Variants in AGTPBP1 observed in about 807,000 individuals in gnomAD.
The protein encoded by AGTPBP1 is cytosolic carboxypeptidase 1.
Under a neutral mutation model 143.9 loss-of-function variants are expected in AGTPBP1, and 70 were observed. That is an observed-to-expected ratio of 0.49 (90% confidence interval 0.40 to 0.59). The LOEUF (loss-of-function observed/expected upper bound fraction) is 0.59. Ranked by LOEUF, AGTPBP1 falls within the 20% of genes least tolerant of loss-of-function variation. AGTPBP1 has a pLI of 0.00. For synonymous variants in AGTPBP1, 463 were observed against 500.2 expected, an observed-to-expected ratio of 0.93 and a Z score of 0.99; for missense variants, 1,229 against 1,464.5, an observed-to-expected ratio of 0.84 and a Z score of 2.62.
At chr9:85,621,128 A>G (rs1271196274) in intron 15 of AGTPBP1, 74 bp downstream of exon 15, 3 of 796,214 alleles carry the variant, frequency 3.8e-6, no homozygotes, top group Non-Finnish European at 5.4e-6. Context: ...CAGAATTTTT[A>G]TCTTTTAGAA....
chr9:85,610,835 T>C (rs1434099670), intron 17 of AGTPBP1, among the ~76,000 whole-genome samples: 2 of 152,202 alleles, frequency 1.3e-5, no homozygotes, highest in Non-Finnish European at 2.9e-5. Context: ...TAAATTCTAG[T>C]TTACCAAAAT....
At chr9:85,547,736 A>G (rs539984770) in intron 25 of AGTPBP1, among the ~76,000 whole-genome samples, 2 of 152,324 alleles carry the variant, frequency 1.3e-5, no homozygotes, top group South Asian at 4.1e-4. Context: ...CTAAGTCTAT[A>G]AAGTGATTAG....
At chr9:85,776,216 A>G in the AGTPBP1 span, among the ~76,000 whole-genome samples, 1 of 152,264 alleles carries the variant, frequency 6.6e-6, no homozygotes, top group Admixed American at 6.5e-5. Context: ...GAAAAAGGAA[A>G]TAAAATGAAG....
At chr9:85,788,280 C>A in the AGTPBP1 span, among the ~76,000 whole-genome samples, 1 of 151,232 alleles carries the variant, frequency 6.6e-6, no homozygotes, top group East Asian at 1.9e-4. Flanking sequence ...TGGTTTCCAG[C>A]TAGTCTTCCA....
At chr9:85,660,314 A>C (rs116098411) in intron 9 of AGTPBP1, among the ~76,000 whole-genome samples, 3,570 of 152,124 alleles carry the variant, frequency 0.023, 144 homozygotes, top group African/African-American at 0.079. Context: ...GAAGCCCCCC[A>C]AAAAAATATT....
intron 1 of AGTPBP1, among the ~76,000 whole-genome samples, chr9:85,716,015 C>T (rs1234400963): frequency 2.6e-5 from 4 of 151,646 alleles, no homozygotes; most frequent in Non-Finnish European, 5.9e-5. Flanking sequence ...GCTACTGTCC[C>T]ATTTCTCTCC....
At chr9:85,711,508 G>A (rs1228000714) in intron 2 of AGTPBP1, among the ~76,000 whole-genome samples, 1 of 147,978 alleles carries the variant, frequency 6.8e-6, no homozygotes, top group Non-Finnish European at 1.5e-5. Context: ...GGCGAGATCT[G>A]GGCTCACTGC....
chr9:85,696,350 T>C (rs1362050564), intron 2 of AGTPBP1, among the ~76,000 whole-genome samples: 2 of 152,202 alleles, frequency 1.3e-5, no homozygotes, highest in African/African-American at 4.8e-5. Context: ...TTAACAAATA[T>C]AATTTCTTAA....
chr9:85,774,529 T>C, the AGTPBP1 span, among the ~76,000 whole-genome samples: 1 of 152,212 alleles, frequency 6.6e-6, no homozygotes, highest in Non-Finnish European at 1.5e-5. Flanking sequence ...TATACTGCCA[T>C]TGATGGGCAC....
intron 2 of AGTPBP1, among the ~76,000 whole-genome samples, chr9:85,699,602 CA>C (rs33990890): frequency 0.29 from 41,671 of 143,634 alleles, 6,329 homozygotes; most frequent in East Asian, 0.55. Context: ...TAATAAACAG[CA>C]AAAAAAAAAA....
the AGTPBP1 span, among the ~76,000 whole-genome samples, chr9:85,755,327 A>G: frequency 1.3e-5 from 2 of 152,128 alleles, no homozygotes; most frequent in Non-Finnish European, 2.9e-5. Context: ...AGTTCCTTTT[A>G]AACAGTCATA....
At chr9:85,607,701 T>C (rs751192516) in intron 17 of AGTPBP1, among the ~76,000 whole-genome samples, 3 of 152,156 alleles carry the variant, frequency 2.0e-5, no homozygotes, top group Non-Finnish European at 4.4e-5. Flanking sequence ...GTTAATATTA[T>C]GTGCAAATAC....
At chr9:85,661,090 A>T in intron 8 of AGTPBP1, 117 bp from the exon 9 acceptor site, 1 of 835,260 alleles carries the variant, frequency 1.2e-6, no homozygotes, top group Non-Finnish European at 1.8e-6. Flanking sequence ...TCCAAAGTTT[A>T]CTCTTGTTTA....
chr9:85,585,218 CGAGTT>C (rs2133160606), intron 23 of AGTPBP1, among the ~76,000 whole-genome samples: 1 of 152,046 alleles, frequency 6.6e-6, no homozygotes, highest in South Asian at 2.1e-4. Flanking sequence ...GAGGTACTAT[CGAGTT>C]AATAGTGCAA....
At chr9:85,704,506 C>T (rs1357686571) in intron 2 of AGTPBP1, among the ~76,000 whole-genome samples, 1 of 152,142 alleles carries the variant, frequency 6.6e-6, no homozygotes, top group Non-Finnish European at 1.5e-5. Context: ...ATAGAGTACA[C>T]ACAGGGGTCT....
At chr9:85,798,944 A>T in the AGTPBP1 span, among the ~76,000 whole-genome samples, 1 of 152,064 alleles carries the variant, frequency 6.6e-6, no homozygotes, top group Non-Finnish European at 1.5e-5. Flanking sequence ...GGTTTGCTGC[A>T]CCCATCAACT....
At chr9:85,626,352 T>C (rs2133622462) in intron 14 of AGTPBP1, among the ~76,000 whole-genome samples, 1 of 152,344 alleles carries the variant, frequency 6.6e-6, no homozygotes, top group South Asian at 2.1e-4. Flanking sequence ...TCAGGATATT[T>C]TCACTGAAAT....
chr9:85,561,918 C>T (rs1328333072), intron 25 of AGTPBP1, among the ~76,000 whole-genome samples: 4 of 150,946 alleles, frequency 2.6e-5, no homozygotes, highest in East Asian at 2.0e-4. Flanking sequence ...CTGCAACTTC[C>T]GCCTCCCGGG....
rs567192804 is a variant in AGTPBP1, at chr9:85,718,479, A to C, written c.-33-5913T>G. ...GGATAAATGTCTTCTTTTGAGAAGT[A>C]TATGTTCATATCCTTTGCCCACTTT... On this transcript the variant is annotated intron_variant, in intron 1 of 25. Coordinates refer to ENST00000357081, the MANE Select transcript of AGTPBP1 (RefSeq NM_001330701.2). Among the ~76,000 whole-genome samples the C allele has an allele frequency of 2.7e-4, 41 of 152,240 alleles. No individual in the cohort carries two copies. The Middle Eastern group carries it at 0.014, about 51-fold the overall frequency.
Sources: gnomAD v4.1 joint callset for allele counts (sites outside exome capture counted in the v4.1 genomes callset) on GRCh38, gnomAD v4.1.1 for gene constraint, MANE v1.5 for transcripts, NCBI Gene and HGNC (gene_info 2026-07-23, HGNC 2026-07-21) for gene names.